Variants in WNT9B observed in about 807,000 individuals in gnomAD.
The protein encoded by WNT9B is protein Wnt-9b.
WNT9B carries 12 observed loss-of-function variants against 30.2 expected under a neutral mutation model. The ratio of observed to expected loss-of-function variants is 0.40; its 90% CI spans 0.26 to 0.64. The LOEUF is 0.64. WNT9B is among the 30% of genes least tolerant of loss of function. The pLI, the probability that WNT9B is intolerant of heterozygous loss-of-function variation, is 0.42. For missense variants in WNT9B, 442 were observed against 485.2 expected (o/e 0.91, Z 0.84); for synonymous variants, 218 against 216.9 (o/e 1.01, Z -0.05).
chr17:46,872,791 G>A lies in WNT9B; in HGVS notation c.334+18G>A. ...CAAGAGAGGTGGGGAGGAGGGCTAGGGGACGGGGAGGGCTGGGGGAAGAAG... is the reference window on the plus strand; with the variant it reads ...CAAGAGAGGTGGGGAGGAGGGCTAGAGGACGGGGAGGGCTGGGGGAAGAAG... On this transcript the variant is annotated intron_variant, in intron 2 of 3. Transcript: ENST00000290015. 1.4e-6 allele frequency: 2 copies of A among 1,428,040 alleles called. No homozygotes were observed. The highest frequency in any genetic ancestry group is 1.8e-5 in the Admixed American group (1 of 56,886). The allele number at this position is 1,428,040 out of a possible 1,614,324, so 88.5% of individuals were successfully genotyped here. A position where few individuals can be genotyped will look rare whatever the true frequency, so the allele number is the denominator to read the frequency against.
At chr17:46,839,868 A>C (rs1057456998) in intron 1 of WNT9B, among the ~76,000 whole-genome samples, 5 of 151,730 alleles carry the variant, frequency 3.3e-5, no homozygotes, top group Non-Finnish European at 5.9e-5. Flanking sequence ...ATCCTTTTTC[A>C]TGGCTGCATA....
At chr17:46,857,417 G>A (rs540618050) in intron 1 of WNT9B, among the ~76,000 whole-genome samples, 1 of 148,404 alleles carries the variant, frequency 6.7e-6, no homozygotes, top group South Asian at 2.1e-4. Context: ...AGAGGTTGCA[G>A]TGAGCCAAGA....
Position 46,851,839 on chromosome 17 carries a change from T to A in WNT9B, c.77+124T>A. The A allele has an allele frequency of 2.2e-6, 1 of 453,134 alleles. No homozygotes were observed. Among genetic ancestry groups the A allele is most frequent in the Non-Finnish European group, 3.5e-6 (1 of 283,008 alleles). The allele number at this position is 453,134 out of a possible 1,614,324, so 28.1% of individuals were successfully genotyped here. ...CCGCCGAGGTCTCGAACTCAGACCC[T>A]AGCCCGGCGCGACCCAACCCACTTC... On this transcript the variant is annotated intron_variant, in intron 1 of 3. Coordinates refer to ENST00000290015, the MANE Select transcript of WNT9B (RefSeq NM_003396.3). This position sits in a 1 kb window ranked among gnomAD's most constrained non-coding sequence, Gnocchi z 4.3.
At chr17:46,841,202 A>C (rs757665846) in intron 1 of WNT9B, among the ~76,000 whole-genome samples, 1 of 152,208 alleles carries the variant, frequency 6.6e-6, no homozygotes, top group Non-Finnish European at 1.5e-5. Flanking sequence ...ATTTCATTTA[A>C]TCTTCACAAC....
intron 1 of WNT9B, among the ~76,000 whole-genome samples, chr17:46,840,016 TTTCTTTCTTTCTTTC>T (rs2084691999): frequency 2.0e-5 from 2 of 100,044 alleles, no homozygotes; most frequent in African/African-American, 7.6e-5. Flanking sequence ...TCTTTCTTTC[TTTCTTTCTTTCTTTC>T]TTTTCTTTCT....
intron 1 of WNT9B, among the ~76,000 whole-genome samples, chr17:46,841,479 A>G (rs1443201503): frequency 6.6e-6 from 1 of 152,200 alleles, no homozygotes; most frequent in East Asian, 1.9e-4. Context: ...AATCCGAAAG[A>G]AAGAGGCCCG....
At chr17:46,834,923 T>C (rs1175424149) in intron 1 of WNT9B, among the ~76,000 whole-genome samples, 1 of 152,188 alleles carries the variant, frequency 6.6e-6, no homozygotes, top group Non-Finnish European at 1.5e-5. Context: ...CACCTGTCAG[T>C]GTTCCTCCCC....
chr17:46,883,127 C>T (rs183175932), downstream of WNT9B, among the ~76,000 whole-genome samples: 189 of 150,798 alleles, frequency 1.3e-3, no homozygotes, highest in African/African-American at 4.2e-3. Context: ...TCCAGGTGCC[C>T]GCCACCACGC....
chr17:46,882,118 T>C (rs1251167542), downstream of WNT9B, among the ~76,000 whole-genome samples: 1 of 152,194 alleles, frequency 6.6e-6, no homozygotes, highest in Non-Finnish European at 1.5e-5. Context: ...ATTGCACCAC[T>C]GCCTTCCAGC....
At chr17:46,869,576 G>A (rs2085203021) in intron 1 of WNT9B, among the ~76,000 whole-genome samples, 1 of 152,226 alleles carries the variant, frequency 6.6e-6, no homozygotes, top group African/African-American at 2.4e-5. Flanking sequence ...TGCTGGGTCT[G>A]GCTCCCAAGT....
chr17:46,886,726 T>C (rs1236249378), exon 5 of WNT9B: 1 of 152,216 alleles, frequency 6.6e-6, no homozygotes, highest in Non-Finnish European at 1.5e-5. Flanking sequence ...CCTATTAAGA[T>C]CTTTAAACAA....
chr17:46,839,974 TTC>T (rs1217127473), intron 1 of WNT9B, among the ~76,000 whole-genome samples: 1 of 137,854 alleles, frequency 7.3e-6, no homozygotes, highest in African/African-American at 2.7e-5. Flanking sequence ...CTTTCTTTCT[TTC>T]TCTTCTTTCT....
intron 1 of WNT9B, among the ~76,000 whole-genome samples, chr17:46,846,071 G>T (rs1194414356): frequency 6.6e-6 from 1 of 152,132 alleles, no homozygotes; most frequent in African/African-American, 2.4e-5. Flanking sequence ...GATTATAGGT[G>T]TGAACCACCG....
At chr17:46,875,510 C>A in intron 3 of WNT9B, 144 bp downstream of exon 3, 1 of 1,172,376 alleles carries the variant, frequency 8.5e-7, no homozygotes, top group Non-Finnish European at 1.2e-6. Flanking sequence ...TTCACGTCTT[C>A]AACCAGCATT....
At chr17:46,872,368 A>G in intron 1 of WNT9B, 149 bp from the exon 2 acceptor site, 3 of 1,277,848 alleles carry the variant, frequency 2.3e-6, no homozygotes, top group Non-Finnish European at 3.0e-6. Context: ...TTGGTTTCCT[A>G]ATCTGTAAAA....
intron 1 of WNT9B, chr17:46,833,573 C>G: frequency 2.6e-6 from 1 of 385,872 alleles, no homozygotes; most frequent in Non-Finnish European, 5.2e-6. Flanking sequence ...ACCCCAGTCT[C>G]CTGCTCAGTG....
intron 1 of WNT9B, among the ~76,000 whole-genome samples, chr17:46,843,937 T>A (rs1174172631): frequency 6.6e-6 from 1 of 152,256 alleles, no homozygotes; most frequent in African/African-American, 2.4e-5. Context: ...CTGAATATTA[T>A]GTATTCATAC....
chr17:46,880,831 A>C (rs149891138), downstream of WNT9B, among the ~76,000 whole-genome samples: 4 of 152,296 alleles, frequency 2.6e-5, no homozygotes, highest in African/African-American at 9.6e-5. Flanking sequence ...CCTGGATTAC[A>C]CACCAATTCA....
intron 1 of WNT9B, among the ~76,000 whole-genome samples, chr17:46,855,530 C>T (rs902642686): frequency 6.6e-6 from 1 of 152,204 alleles, no homozygotes; most frequent in Non-Finnish European, 1.5e-5. Flanking sequence ...CTAATGCTAA[C>T]AGGGCTGGTC....
Sources: allele counts gnomAD v4.1 joint callset (sites outside exome capture counted in the v4.1 genomes callset), GRCh38; gene constraint gnomAD v4.1.1; non-coding constraint Gnocchi (gnomAD v3.1); transcripts MANE v1.5; gene names NCBI Gene and HGNC (gene_info 2026-07-23, HGNC 2026-07-21).